MRPL42: variants seen among roughly 807,000 people sequenced by gnomAD.
The protein encoded by MRPL42 is large ribosomal subunit protein mL42.
Under a neutral mutation model 17.9 loss-of-function variants are expected in MRPL42, and 17 were observed. That is an observed-to-expected ratio of 0.95 (90% CI 0.65 to 1.42). The LOEUF (loss-of-function observed/expected upper bound fraction) is 1.42. Ranked by LOEUF, MRPL42 falls within the 40% of genes most tolerant of loss-of-function variation. The pLI is 0.00. For synonymous variants in MRPL42, 59 were observed against 54.4 expected (o/e 1.08, Z -0.37); for missense variants, 177 against 175.2 (o/e 1.01, Z -0.06).
intron 5 of MRPL42, among the ~76,000 whole-genome samples, chr12:93,490,545 CAT>C (rs1416316790): frequency 2.0e-5 from 3 of 152,196 alleles, no homozygotes; most frequent in African/African-American, 7.2e-5. Flanking sequence ...TCATTCAACA[CAT>C]ATTTATTTGA....
rs1268536011 is a variant in MRPL42 at position 93,505,361 on chromosome 12, AT to A, written c.*4145del. On this transcript the variant is annotated 3_prime_UTR_variant, in exon 6 of 6. Transcript: ENST00000549982. ...GAATACTTTTTCAGTTTCAATGTGT[AT>A]TTTTAAAATTTCCAGAAGATGAGTT... The A allele has an allele frequency of 2.6e-5, 4 of 152,150 alleles. No individual in the cohort carries two copies. Among genetic ancestry groups the A allele is most frequent in the African/African-American group, 9.7e-5 (4 of 41,394 alleles). The allele number at this position is 152,150 out of a possible 1,614,324, so 9.4% of individuals were successfully genotyped here.
At chr12:93,482,021 C>A (rs529074067) in intron 4 of MRPL42, among the ~76,000 whole-genome samples, 1 of 152,130 alleles carries the variant, frequency 6.6e-6, no homozygotes, top group Admixed American at 6.6e-5. Context: ...ATTATCTTCT[C>A]TGCCACATCA....
rs772737356 is a variant in MRPL42, at chr12:93,487,515, C to T, written c.238C>T (p.Pro80Ser). The change falls in exon 5 of 6, where the codon CCT becomes TCT. Residue 80 changes from proline (P) to serine (S), a missense_variant. Transcript: ENST00000549982. ...EHTKPIPRPD[P>S]VHNNEETHDQ... ...TTTGTAGCCTATCCCTCGGCCAGAT[C>T]CTGTGCATAATAATGAAGAAACACA... The T allele has an allele frequency of 1.1e-5, 18 of 1,612,920 alleles. No individual in the cohort carries two copies. The highest frequency in any genetic ancestry group is 1.4e-5 in the Non-Finnish European group (17 of 1,179,688).
At position 93,502,791 on chromosome 12, in the gene MRPL42, T is replaced by G. The variant is rs980077418; in HGVS notation, c.*1570T>G. On this transcript the variant is annotated 3_prime_UTR_variant, in exon 6 of 6. Transcript: ENST00000549982. ...AAAAATCAAAATATGATTATGAAGA[T>G]TTTCTTCTCTTCCGAGTACAAAGCT... The G allele has an allele frequency of 2.0e-5, 3 of 152,194 alleles. No homozygotes were observed. The highest frequency in any genetic ancestry group is 7.2e-5 in the African/African-American group (3 of 41,464). 9.4% of individuals were successfully genotyped at this position (152,194 alleles called of 1,614,324 possible).
intron 2 of MRPL42, among the ~76,000 whole-genome samples, chr12:93,476,167 C>A (rs1183417138): frequency 1.3e-5 from 2 of 152,010 alleles, no homozygotes; most frequent in Non-Finnish European, 2.9e-5. Flanking sequence ...AAACTATGCA[C>A]CTTGGAAAAC....
chr12:93,513,062 T>G lies in MRPL42; in HGVS notation c.*11841T>G, dbSNP rs532641099. 6.6e-6 allele frequency: 1 copy of G among 152,200 alleles called. No homozygotes were observed. The highest frequency in any genetic ancestry group is 1.5e-5 in the Non-Finnish European group (1 of 68,034). 9.4% of individuals were successfully genotyped at this position (152,200 alleles called of 1,614,324 possible). ...TCTGGTTTCATCTTATGAATAATAT[T>G]TTTTAAAAACCATGGAAACAGTTTA... On this transcript the variant is annotated 3_prime_UTR_variant, in exon 6 of 6. Transcript: ENST00000549982.
chr12:93,473,920 G>A (rs2121171470), intron 2 of MRPL42, among the ~76,000 whole-genome samples: 1 of 152,256 alleles, frequency 6.6e-6, no homozygotes, highest in East Asian at 1.9e-4. Context: ...AGGCAGTTCG[G>A]CAATCACTTT....
chr12:93,495,990 C>T lies in MRPL42; in HGVS notation c.384-5186C>T, dbSNP rs554355179. 1.4e-4 allele frequency among the ~76,000 whole-genome samples: 22 copies of T among 152,228 alleles called. No homozygotes were observed. In the South Asian group the frequency reaches 4.6e-3, roughly 32 times the overall value. On this transcript the variant is annotated intron_variant, in intron 5 of 5. Transcript: ENST00000549982. ...ATTCCATCAGACAATCATTTAATAC[C>T]CATACATTGTATTAAGGATACTGTG...
At chr12:93,485,758 A>G (rs915198353) in intron 4 of MRPL42, among the ~76,000 whole-genome samples, 3 of 152,170 alleles carry the variant, frequency 2.0e-5, no homozygotes, top group African/African-American at 7.2e-5. Flanking sequence ...ATATCACTTA[A>G]TATTTAAAAT....
At chr12:93,492,016 C>G (rs1038163384) in intron 5 of MRPL42, among the ~76,000 whole-genome samples, 14 of 152,162 alleles carry the variant, frequency 9.2e-5, no homozygotes, top group Non-Finnish European at 1.5e-4. Flanking sequence ...ATCCAGTTCA[C>G]CATTGACAGG....
chr12:93,470,167 A>T (rs924865241), intron 2 of MRPL42, among the ~76,000 whole-genome samples: 36 of 152,258 alleles, frequency 2.4e-4, no homozygotes, highest in South Asian at 6.2e-4. Context: ...AGCCATTTTT[A>T]AAAAAATGAA....
At chr12:93,489,364 A>G (rs7133175) in intron 5 of MRPL42, among the ~76,000 whole-genome samples, 107,854 of 151,832 alleles carry the variant, frequency 0.71, 38,617 homozygotes, top group African/African-American at 0.77. Context: ...ATAGCCCATC[A>G]TTTCCTGTCT....
At chr12:93,484,160 G>T (rs888032187) in intron 4 of MRPL42, among the ~76,000 whole-genome samples, 1 of 152,142 alleles carries the variant, frequency 6.6e-6, no homozygotes, top group Non-Finnish European at 1.5e-5. Context: ...TAACAAGTAG[G>T]AGTACGCTCT....
At chr12:93,474,166 T>C (rs1880048174) in intron 2 of MRPL42, among the ~76,000 whole-genome samples, 1 of 152,250 alleles carries the variant, frequency 6.6e-6, no homozygotes, top group Non-Finnish European at 1.5e-5. Context: ...TGAGTTTTCT[T>C]GTCTGCATAT....
At chr12:93,496,659 A>G (rs961115676) in intron 5 of MRPL42, among the ~76,000 whole-genome samples, 1 of 150,788 alleles carries the variant, frequency 6.6e-6, no homozygotes, top group Admixed American at 6.6e-5. Context: ...AAAAAAAAAA[A>G]AAAAAAGGCA....
At chr12:93,481,376 G>A (rs1360037530) in intron 4 of MRPL42, among the ~76,000 whole-genome samples, 1 of 152,202 alleles carries the variant, frequency 6.6e-6, no homozygotes, top group Non-Finnish European at 1.5e-5. Context: ...TAAAGATGGG[G>A]AAGGTATCTC....
chr12:93,476,407 G>C (rs1880179486), intron 2 of MRPL42, among the ~76,000 whole-genome samples: 1 of 152,142 alleles, frequency 6.6e-6, no homozygotes, highest in South Asian at 2.1e-4. Context: ...GACCTCAGGT[G>C]ATCTGCCCAC....
intron 2 of MRPL42, among the ~76,000 whole-genome samples, chr12:93,474,764 A>C (rs1880079502): frequency 6.6e-6 from 1 of 152,140 alleles, no homozygotes; most frequent in South Asian, 2.1e-4. Flanking sequence ...CAATCCATGC[A>C]TAATTAGGAA....
Position 93,487,660 on chromosome 12 carries a change from G to A in MRPL42, c.383G>A (p.Arg128Gln), listed in dbSNP as rs142135253. The change falls in exon 5 of 6, where the codon CGG (arginine) becomes CAG (glutamine). Residue 128 changes from arginine (R) to glutamine (Q), a missense_variant and splice_region_variant. Transcript: ENST00000549982. Reference protein sequence around the residue: ...TTKHRWYPHGRYHRCRKNLNP... With the variant: ...TTKHRWYPHGQYHRCRKNLNP... Reference sequence around the variant, plus strand: ...AAGCACCGTTGGTATCCTCATGGACGGTAAGTTTTCTTTTCTTTTCTTCAA... The same window carrying A: ...AAGCACCGTTGGTATCCTCATGGACAGTAAGTTTTCTTTTCTTTTCTTCAA... The A allele has an allele frequency of 1.0e-5, 16 of 1,596,468 alleles. No individual in the cohort carries two copies. Among genetic ancestry groups the A allele is most frequent in the Middle Eastern group, 1.7e-4 (1 of 5,988 alleles).
Sources: allele counts gnomAD v4.1 joint callset (sites outside exome capture counted in the v4.1 genomes callset), GRCh38; gene constraint gnomAD v4.1.1; transcripts MANE v1.5; gene names NCBI Gene and HGNC (gene_info 2026-07-23, HGNC 2026-07-21).